Variants in JAK2 observed in about 807,000 individuals in gnomAD.
JAK2 encodes Janus kinase 2.
In JAK2, 86 loss-of-function variants were observed where a neutral mutation model predicts 139.3. The ratio of observed to expected loss-of-function variants is 0.62; its 90% CI spans 0.52 to 0.74. JAK2 has a LOEUF of 0.74. Ranked by LOEUF, JAK2 falls within the 30% of genes least tolerant of loss-of-function variation. JAK2 has a pLI of 0.00. For missense variants in JAK2, 1,421 were observed against 1,360.3 expected, an observed-to-expected ratio of 1.04 and a Z score of -0.70; for synonymous variants, 490 against 437.7, an observed-to-expected ratio of 1.12 and a Z score of -1.49.
intron 22 of JAK2, among the ~76,000 whole-genome samples, chr9:5,115,376 A>C (rs916048582): frequency 6.6e-6 from 1 of 152,218 alleles, no homozygotes; most frequent in African/African-American, 2.4e-5. Context: ...ATCTCATGCC[A>C]GTTAGAATGG....
chr9:4,999,823 T>C (rs1018887003), intron 2 of JAK2, among the ~76,000 whole-genome samples: 2 of 152,218 alleles, frequency 1.3e-5, no homozygotes, highest in African/African-American at 2.4e-5. Flanking sequence ...TTAATGTCAT[T>C]AATTTTTTCC....
At chr9:4,988,683 C>T (rs7849067) in intron 2 of JAK2, among the ~76,000 whole-genome samples, 2 of 152,098 alleles carry the variant, frequency 1.3e-5, no homozygotes, top group Admixed American at 1.3e-4. Flanking sequence ...CCAGTTCTTT[C>T]ATTTTAAAAC....
intron 6 of JAK2, among the ~76,000 whole-genome samples, chr9:5,053,261 T>C (rs1034811133): frequency 2.0e-5 from 3 of 152,090 alleles, no homozygotes; most frequent in African/African-American, 7.2e-5. Flanking sequence ...TTTTTGGCCA[T>C]TTGTATGCCT....
intron 19 of JAK2, among the ~76,000 whole-genome samples, chr9:5,082,982 C>T (rs142066959): frequency 1.1e-3 from 161 of 152,336 alleles, no homozygotes; most frequent in African/African-American, 3.8e-3. Flanking sequence ...ACACTGATCT[C>T]TCTTTCTTTT....
intron 2 of JAK2, among the ~76,000 whole-genome samples, chr9:5,019,265 A>G (rs879673839): frequency 6.6e-6 from 1 of 151,804 alleles, no homozygotes; most frequent in Non-Finnish European, 1.5e-5. Flanking sequence ...ATTTTTGTCT[A>G]ATGGGGTTAT....
At chr9:5,087,689 C>T (rs1820240071) in intron 19 of JAK2, among the ~76,000 whole-genome samples, 1 of 152,166 alleles carries the variant, frequency 6.6e-6, no homozygotes. Flanking sequence ...ATAAAATATA[C>T]ATTTTCCCAC....
At chr9:5,094,289 C>G (rs1207443147) in intron 22 of JAK2, 1 of 152,202 alleles carries the variant, frequency 6.6e-6, no homozygotes, top group Non-Finnish European at 1.5e-5. Flanking sequence ...CCCTTTATAT[C>G]ATTGCCTCCA....
intron 4 of JAK2, among the ~76,000 whole-genome samples, chr9:5,034,744 T>G (rs1823443071): frequency 1.3e-5 from 2 of 150,562 alleles, no homozygotes; most frequent in African/African-American, 4.9e-5. Flanking sequence ...AAGCAGTGTG[T>G]AGAGGGAAAT....
intron 13 of JAK2, 144 bp downstream of exon 13, chr9:5,072,770 G>T: frequency 2.1e-6 from 1 of 479,240 alleles, no homozygotes; most frequent in Non-Finnish European, 3.5e-6. Flanking sequence ...ACATTCTTGT[G>T]GGGCTATAGA....
intron 2 of JAK2, among the ~76,000 whole-genome samples, chr9:4,993,168 CTT>C (rs1820360711): frequency 6.6e-6 from 1 of 152,172 alleles, no homozygotes; most frequent in South Asian, 2.1e-4. Flanking sequence ...CCACAAATCT[CTT>C]TTGAGAGGAA....
At position 5,008,741 on chromosome 9, in the gene JAK2, C is replaced by T. The variant is rs117337981; in HGVS notation, c.-25-13222C>T. Among the ~76,000 whole-genome samples the T allele has an allele frequency of 5.7e-3, 875 of 152,274 alleles. 6 individuals are homozygous for T. The highest frequency in any genetic ancestry group is 9.7e-3 in the Non-Finnish European group (658 of 68,014). ...TAAAAAATTAAATGTTATCTCCTCT[C>T]AGCAGATCTTTTTAACATGAACCCA... is the stretch of plus-strand genomic sequence containing the variant. On this transcript the variant is annotated intron_variant, in intron 2 of 24. Coordinates refer to ENST00000381652, the MANE Select transcript of JAK2 (RefSeq NM_004972.4).
In JAK2 at chr9:5,072,002, A is replaced by T. The variant is rs566747981; in HGVS notation, c.1642-490A>T. On this transcript the variant is annotated intron_variant, in intron 12 of 24. Transcript: ENST00000381652. ...ATTTATTCACTTATTGATCATAACAATCCTATGGGAAAATAGTTATTATTC... is the reference window on the plus strand; with the variant it reads ...ATTTATTCACTTATTGATCATAACATTCCTATGGGAAAATAGTTATTATTC... Among the ~76,000 whole-genome samples the T allele has an allele frequency of 9.3e-4, 141 of 152,296 alleles. 1 individual carries two copies. Among genetic ancestry groups the T allele is most frequent in the Admixed American group, 9.2e-3 (141 of 15,294 alleles).
intron 22 of JAK2, chr9:5,098,009 A>C (rs1821149144): frequency 6.6e-6 from 1 of 152,194 alleles, no homozygotes; most frequent in Admixed American, 6.5e-5. Context: ...CACCGCATGA[A>C]ATATTATCTC....
intron 2 of JAK2, among the ~76,000 whole-genome samples, chr9:4,995,958 T>TA (rs1388412402): frequency 1.5e-4 from 23 of 152,328 alleles, no homozygotes; most frequent in African/African-American, 5.3e-4. Context: ...CTCAAATTGT[T>TA]AAAAATTCAC....
At chr9:5,115,785 A>G (rs1213596202) in intron 22 of JAK2, among the ~76,000 whole-genome samples, 1 of 152,226 alleles carries the variant, frequency 6.6e-6, no homozygotes, top group Non-Finnish European at 1.5e-5. Flanking sequence ...GCTAGAAACC[A>G]TAATTCTCAG....
intron 11 of JAK2, 40 bp from the exon 12 acceptor site, chr9:5,069,885 G>A (rs1818832430): frequency 1.5e-6 from 2 of 1,354,846 alleles, no homozygotes; most frequent in African/African-American, 2.9e-5. Flanking sequence ...CATACTTTCA[G>A]TGTATTTTGA....
chr9:5,059,190 C>G (rs150743496), intron 8 of JAK2, among the ~76,000 whole-genome samples: 1 of 152,300 alleles, frequency 6.6e-6, no homozygotes, highest in East Asian at 1.9e-4. Flanking sequence ...GAATAGTTCT[C>G]TTACTCCTAG....
At chr9:5,111,319 C>T (rs1362905394) in intron 22 of JAK2, 2 of 448,708 alleles carry the variant, frequency 4.5e-6, no homozygotes, top group Admixed American at 5.8e-5. Context: ...AGCCCCGGAC[C>T]CCTGTCCCCC....
chr9:5,082,455 G>A (rs1819772261), intron 19 of JAK2, among the ~76,000 whole-genome samples: 1 of 152,244 alleles, frequency 6.6e-6, no homozygotes, highest in Non-Finnish European at 1.5e-5. Flanking sequence ...CCGCCACAGG[G>A]CAGTTTTTCT....
Sources: allele counts gnomAD v4.1 joint callset (sites outside exome capture counted in the v4.1 genomes callset), GRCh38; gene constraint gnomAD v4.1.1; transcripts MANE v1.5; gene names NCBI Gene and HGNC (gene_info 2026-07-23, HGNC 2026-07-21).